MACROD2: variants seen among roughly 807,000 people sequenced by gnomAD.
MACROD2 encodes ADP-ribose glycohydrolase MACROD2.
A neutral mutation model predicts 70.4 loss-of-function variants in MACROD2; 36 were observed. That is an observed-to-expected ratio of 0.51 (90% CI 0.39 to 0.68). The LOEUF (loss-of-function observed/expected upper bound fraction) is 0.68, where lower values mean the gene tolerates loss of function less well. Ranked by LOEUF, MACROD2 falls within the 30% of genes least tolerant of loss-of-function variation. The pLI is 0.00. For synonymous variants in MACROD2, 172 were observed against 178.8 expected, an observed-to-expected ratio of 0.96 and a Z score of 0.30; for missense variants, 496 against 538.4, an observed-to-expected ratio of 0.92 and a Z score of 0.78.
At chr20:15,708,478 A>C (rs1322207447) in intron 8 of MACROD2, among the ~76,000 whole-genome samples, 1 of 152,224 alleles carries the variant, frequency 6.6e-6, no homozygotes, top group South Asian at 2.1e-4. Flanking sequence ...GAGCACAGAC[A>C]TGCTGGAGAA....
chr20:14,370,557 A>C (rs191079811), intron 3 of MACROD2, among the ~76,000 whole-genome samples: 487 of 152,294 alleles, frequency 3.2e-3, no homozygotes, highest in Non-Finnish European at 5.8e-3. Flanking sequence ...AATTCCCATA[A>C]GGAGTTTTCT....
chr20:16,003,785 C>T lies in MACROD2; in HGVS notation c.1153+16627C>T, dbSNP rs111461007. 2.6e-4 allele frequency among the ~76,000 whole-genome samples: 40 copies of T among 152,284 alleles called. 1 individual carries two copies. The highest frequency in any genetic ancestry group is 8.9e-4 in the African/African-American group (37 of 41,572). ...TCCCAGGTTCAAGCGATTCTCCTGC[C>T]TCAGCCTCCTGAGTAGCTGGGATTA... On this transcript the variant is annotated intron_variant, in intron 15 of 17. Coordinates refer to ENST00000684519, the MANE Select transcript of MACROD2 (RefSeq NM_001351661.2).
At chr20:14,084,647 A>C (rs1022989638) in intron 2 of MACROD2, among the ~76,000 whole-genome samples, 1 of 152,178 alleles carries the variant, frequency 6.6e-6, no homozygotes, top group African/African-American at 2.4e-5. Context: ...GATTTCAGAA[A>C]GTAACGTTTT....
chr20:14,893,913 T>C (rs2073794448), intron 5 of MACROD2: 1 of 151,920 alleles, frequency 6.6e-6, no homozygotes, highest in African/African-American at 2.4e-5. Flanking sequence ...GCCTCCCAAG[T>C]AGCTGGTACC....
chr20:14,133,307 A>G (rs1451834812), intron 3 of MACROD2, among the ~76,000 whole-genome samples: 1 of 152,208 alleles, frequency 6.6e-6, no homozygotes, highest in Admixed American at 6.5e-5. Context: ...AACCTTTGAT[A>G]TTGATTTCAA....
At chr20:14,538,318 A>C (rs1017114782) in intron 4 of MACROD2, among the ~76,000 whole-genome samples, 1 of 152,208 alleles carries the variant, frequency 6.6e-6, no homozygotes. Context: ...CCTGGTCCTC[A>C]TGCCAGAAGG....
rs138086683 is a variant in MACROD2, at chr20:14,629,973, A to C, written c.302-54870A>C. Among the ~76,000 whole-genome samples, 253 of 151,912 alleles carry C rather than the reference A, an allele frequency of 1.7e-3. 1 individual carries two copies. The Middle Eastern group carries it at 0.017, about 10-fold the overall frequency. On this transcript the variant is annotated intron_variant, in intron 4 of 17. Transcript: ENST00000684519. Reference sequence around the variant, plus strand: ...CTAAGGTCTATCTATCTATCTATCTATCTATCTATCTATCTATCTATCTAT... The same window carrying C: ...CTAAGGTCTATCTATCTATCTATCTCTCTATCTATCTATCTATCTATCTAT...
Position 15,975,813 on chromosome 20 carries a change from C to CA in MACROD2, c.985+8189dup, listed in dbSNP as rs1284783800. ...TTGCATTTCTTTTGTAACTACAAGG[C>CA]AAAAAATAATTTTTAAAAATAACTT... is the stretch of plus-strand genomic sequence containing the variant. On this transcript the variant is annotated intron_variant, in intron 13 of 17. Transcript: ENST00000684519. 2.0e-5 allele frequency among the ~76,000 whole-genome samples: 3 copies of CA among 151,998 alleles called. No homozygotes were observed. The East Asian group carries it at 5.8e-4, about 29-fold the overall frequency.
chr20:15,254,585 G>A (rs1294360805), intron 6 of MACROD2, among the ~76,000 whole-genome samples: 1 of 152,032 alleles, frequency 6.6e-6, no homozygotes, highest in Non-Finnish European at 1.5e-5. Flanking sequence ...TAGGTAAGTT[G>A]ATATTGAACT....
intron 3 of MACROD2, among the ~76,000 whole-genome samples, chr20:14,244,810 C>A (rs1601394287): frequency 6.6e-6 from 1 of 152,130 alleles, no homozygotes; most frequent in African/African-American, 2.4e-5. Flanking sequence ...TTTGTGGGTC[C>A]TCAGTAAACA....
At chr20:15,219,953 C>A (rs1223335507) in intron 5 of MACROD2, among the ~76,000 whole-genome samples, 1 of 129,170 alleles carries the variant, frequency 7.7e-6, no homozygotes, top group Non-Finnish European at 1.6e-5. Context: ...TTAATCATCT[C>A]CTGAAAAAAA....
At chr20:15,605,511 T>C (rs2048881787) in intron 8 of MACROD2, among the ~76,000 whole-genome samples, 1 of 150,488 alleles carries the variant, frequency 6.6e-6, no homozygotes, top group South Asian at 2.1e-4. Context: ...TTCTCAACCC[T>C]GATTTTTCTT....
At chr20:14,402,662 C>T (rs1410114683) in intron 3 of MACROD2, among the ~76,000 whole-genome samples, 1 of 152,126 alleles carries the variant, frequency 6.6e-6, no homozygotes, top group Non-Finnish European at 1.5e-5. Flanking sequence ...AGGTAATGCT[C>T]TAAGAAAAAT....
chr20:14,448,146 G>C (rs1433306388), intron 3 of MACROD2, among the ~76,000 whole-genome samples: 1 of 151,860 alleles, frequency 6.6e-6, no homozygotes, highest in East Asian at 1.9e-4. Context: ...CTTTCATTTA[G>C]ACCCTAGAGA....
chr20:15,091,609 G>A lies in MACROD2; in HGVS notation c.419-138331G>A, dbSNP rs1026747866. On this transcript the variant is annotated intron_variant, in intron 5 of 17. Coordinates refer to ENST00000684519, the MANE Select transcript of MACROD2 (RefSeq NM_001351661.2). ...GTTAACTGGAATAATGGGAACCCAC[G>A]TCACTAAGAGACCCATTGCCTGGTT... Among the ~76,000 whole-genome samples, 55 of 151,968 alleles carry A rather than the reference G, an allele frequency of 3.6e-4. 3 individuals carry two copies. Among genetic ancestry groups the A allele is most frequent in the Admixed American group, 6.6e-5 (1 of 15,254 alleles).
At chr20:14,589,962 G>A (rs917956846) in intron 4 of MACROD2, among the ~76,000 whole-genome samples, 4 of 152,198 alleles carry the variant, frequency 2.6e-5, no homozygotes, top group African/African-American at 9.6e-5. Context: ...TTGATATGTT[G>A]GTGAAGTGTT....
chr20:15,087,187 G>A (rs2075755393), intron 5 of MACROD2, among the ~76,000 whole-genome samples: 1 of 151,776 alleles, frequency 6.6e-6, no homozygotes, highest in Non-Finnish European at 1.5e-5. Flanking sequence ...ATAGCTATCG[G>A]GACTCTATTC....
chr20:15,045,323 AATGGG>A (rs1168764595), intron 5 of MACROD2, among the ~76,000 whole-genome samples: 2 of 152,102 alleles, frequency 1.3e-5, no homozygotes, highest in African/African-American at 4.8e-5. Context: ...CATCCAGTAA[AATGGG>A]ACACCTTTGC....
At chr20:15,631,624 G>A (rs1230016544) in intron 8 of MACROD2, among the ~76,000 whole-genome samples, 1 of 152,034 alleles carries the variant, frequency 6.6e-6, no homozygotes, top group East Asian at 1.9e-4. Context: ...TTCCTTATTT[G>A]GTGCATGTCT....
Sources: gnomAD v4.1 joint callset for allele counts (sites outside exome capture counted in the v4.1 genomes callset) on GRCh38, gnomAD v4.1.1 for gene constraint, MANE v1.5 for transcripts, NCBI Gene and HGNC (gene_info 2026-07-23, HGNC 2026-07-21) for gene names.